The following EPB41 variants were observed in gnomAD, a reference collection of about 807,000 sequenced individuals.
EPB41 encodes the protein protein 4.1.
A neutral mutation model predicts 108.0 loss-of-function variants in EPB41; 65 were observed. That is an observed-to-expected ratio of 0.60 (90% confidence interval 0.49 to 0.74). The LOEUF (loss-of-function observed/expected upper bound fraction) is 0.74, where lower values mean the gene tolerates loss of function less well. Among genes scored for constraint, EPB41 ranks in the 30% least tolerant of loss-of-function variants. The probability of loss-of-function intolerance (pLI) is 0.00; values close to 1 mark genes in which losing one functional copy is unlikely to be tolerated. For missense variants in EPB41, 875 were observed against 1,037.0 expected (o/e 0.84, Z 2.15); for synonymous variants, 336 against 358.9 (o/e 0.94, Z 0.72).
At chr1:29,067,972 G>A (rs1649201036) in intron 16 of EPB41, among the ~76,000 whole-genome samples, 2 of 152,208 alleles carry the variant, frequency 1.3e-5, no homozygotes, top group Admixed American at 1.3e-4. Context: ...TGTTTTCAGT[G>A]TCAGTAGGAT....
At chr1:28,902,365 G>A (rs765016900) in intron 1 of EPB41, 30 of 985,258 alleles carry the variant, frequency 3.0e-5, no homozygotes, top group South Asian at 4.7e-5. Flanking sequence ...TGTTGGGTCC[G>A]CAATGGTTAT....
intron 9 of EPB41, among the ~76,000 whole-genome samples, chr1:29,034,193 A>G (rs1638516823): frequency 6.6e-6 from 1 of 152,216 alleles, no homozygotes; most frequent in Non-Finnish European, 1.5e-5. Context: ...CTTCCCTTAA[A>G]ATTTCAAATT....
chr1:28,934,388 T>G (rs2093893877), intron 1 of EPB41, among the ~76,000 whole-genome samples: 1 of 152,194 alleles, frequency 6.6e-6, no homozygotes, highest in Non-Finnish European at 1.5e-5. Flanking sequence ...ACTCTTTAGA[T>G]GAAAGTCACT....
chr1:29,013,834 GTTTT>G (rs537368192), intron 5 of EPB41, among the ~76,000 whole-genome samples: 27 of 131,822 alleles, frequency 2.0e-4, no homozygotes, highest in East Asian at 1.3e-3. Context: ...CAGCCCTTAA[GTTTT>G]TTTTTTTTTT....
intron 1 of EPB41, chr1:28,889,769 C>T: frequency 1.0e-6 from 1 of 983,894 alleles, no homozygotes; most frequent in Non-Finnish European, 1.2e-6. Context: ...ATCCTGAGCC[C>T]AGGTGTGGAA....
At chr1:28,993,863 G>A (rs1216821077) in intron 3 of EPB41, among the ~76,000 whole-genome samples, 1 of 151,798 alleles carries the variant, frequency 6.6e-6, no homozygotes, top group Non-Finnish European at 1.5e-5. Context: ...CACCATATTG[G>A]TCAGGCTGGT....
intron 11 of EPB41, among the ~76,000 whole-genome samples, chr1:29,051,021 T>G (rs190943974): frequency 1.3e-5 from 2 of 151,004 alleles, no homozygotes; most frequent in East Asian, 3.9e-4. Flanking sequence ...ATATATCCGC[T>G]AAGGAATTAG....
intron 1 of EPB41, among the ~76,000 whole-genome samples, chr1:28,919,347 C>T (rs539411752): frequency 1.9e-4 from 29 of 152,320 alleles, no homozygotes; most frequent in Middle Eastern, 6.8e-3. Context: ...CCGCTAGCTT[C>T]GTCAGCTTCC....
intron 1 of EPB41, among the ~76,000 whole-genome samples, chr1:28,968,919 C>T (rs1176598470): frequency 1.3e-5 from 2 of 151,078 alleles, no homozygotes; most frequent in Non-Finnish European, 1.5e-5. Context: ...GAGCTGAGAT[C>T]GCACCACTGG....
chr1:28,912,042 T>C (rs968731552), upstream of EPB41, among the ~76,000 whole-genome samples: 5 of 152,002 alleles, frequency 3.3e-5, no homozygotes, highest in African/African-American at 9.7e-5. Flanking sequence ...GCGAAACCCC[T>C]TCTCAAAAAA....
chr1:29,000,733 G>A (rs1277251203), intron 4 of EPB41, among the ~76,000 whole-genome samples: 1 of 152,096 alleles, frequency 6.6e-6, no homozygotes, highest in African/African-American at 2.4e-5. Flanking sequence ...GACATCCAGC[G>A]GGAACATTGT....
rs1001961230 is a variant in EPB41, at chr1:28,920,809, T to A, written c.-8+6041T>A. Among the ~76,000 whole-genome samples the A allele has an allele frequency of 2.0e-5, 3 of 152,222 alleles. No homozygotes were observed. The South Asian group carries it at 6.2e-4, about 32-fold the overall frequency. On this transcript the variant is annotated intron_variant, in intron 1 of 20. Coordinates refer to ENST00000343067, the MANE Select transcript of EPB41 (RefSeq NM_001376013.1). ...CTCCACACCTGGCTGATTTTTTATA[T>A]TTTTAGAGACTGGGTTTTGCCATCT...
intron 1 of EPB41, among the ~76,000 whole-genome samples, chr1:28,946,705 C>T (rs1242210815): frequency 6.6e-6 from 1 of 152,134 alleles, no homozygotes; most frequent in African/African-American, 2.4e-5. Context: ...ACCTATACTC[C>T]TCCCTGCTTC....
At chr1:28,915,788 CT>C (rs2092610659) in intron 1 of EPB41, among the ~76,000 whole-genome samples, 1 of 89,202 alleles carries the variant, frequency 1.1e-5, no homozygotes, top group Non-Finnish European at 2.1e-5. Context: ...ATTTTCTTCC[CT>C]TCTGTTTTTA....
At chr1:28,898,226 C>T (rs1364713827) in intron 1 of EPB41, among the ~76,000 whole-genome samples, 3 of 151,990 alleles carry the variant, frequency 2.0e-5, no homozygotes, top group African/African-American at 7.3e-5. Context: ...CTCCTTCCTG[C>T]ACCCTCACAA....
At chr1:28,914,971 G>T (rs1020221247) in intron 1 of EPB41, among the ~76,000 whole-genome samples, 2 of 152,060 alleles carry the variant, frequency 1.3e-5, no homozygotes, top group Non-Finnish European at 2.9e-5. Flanking sequence ...CCCGAGGAGC[G>T]AGGGGCGGGC....
At chr1:29,063,841 G>C (rs1488880263) in intron 15 of EPB41, among the ~76,000 whole-genome samples, 2 of 152,132 alleles carry the variant, frequency 1.3e-5, no homozygotes, top group Non-Finnish European at 2.9e-5. Context: ...GTTGGACAAA[G>C]AACATTTGAG....
At chr1:28,993,646 A>AT in intron 3 of EPB41, 104 bp downstream of exon 3, 1 of 779,278 alleles carries the variant, frequency 1.3e-6, no homozygotes. Context: ...TGTAGTGATT[A>AT]TTTCTTTTTT....
At chr1:29,046,543 G>T (rs1466591663) in intron 11 of EPB41, among the ~76,000 whole-genome samples, 1 of 151,996 alleles carries the variant, frequency 6.6e-6, no homozygotes, top group Non-Finnish European at 1.5e-5. Flanking sequence ...TTTCCATCTC[G>T]CATTTTTAAT....
Sources: allele counts gnomAD v4.1 joint callset (sites outside exome capture counted in the v4.1 genomes callset), GRCh38; gene constraint gnomAD v4.1.1; transcripts MANE v1.5; gene names NCBI Gene and HGNC (gene_info 2026-07-23, HGNC 2026-07-21).